Variants in RFC1 observed in about 807,000 individuals in gnomAD.
The protein encoded by RFC1 is A1 140 kDa subunit.
In RFC1, 37 loss-of-function variants were observed where a neutral mutation model predicts 137.4. The ratio of observed to expected loss-of-function variants is 0.27; its 90% CI spans 0.21 to 0.35. The LOEUF is 0.35. RFC1 is among the 10% of genes least tolerant of loss of function. RFC1 has a pLI of 1.00. For synonymous variants in RFC1, 429 were observed against 455.7 expected (o/e 0.94, Z 0.75); for missense variants, 1,205 against 1,358.5 (o/e 0.89, Z 1.78).
At chr4:39,343,803 TTTTTA>T (rs541477839) in intron 3 of RFC1, among the ~76,000 whole-genome samples, 146 of 152,228 alleles carry the variant, frequency 9.6e-4, no homozygotes, top group African/African-American at 3.3e-3. Context: ...TTAGGCACAT[TTTTTA>T]TTTTAAGAAT....
intron 1 of RFC1, among the ~76,000 whole-genome samples, chr4:39,354,749 C>CAAAAAAAAAAAAAAAAAAA (rs34342477): frequency 2.0e-5 from 1 of 51,006 alleles, no homozygotes; most frequent in Non-Finnish European, 3.6e-5. Context: ...GAAACTATCT[C>CAAAAAAAAAAAAAAAAAAA]AAAAAAAAAA....
intron 6 of RFC1, among the ~76,000 whole-genome samples, chr4:39,324,483 C>T (rs1296329516): frequency 6.6e-6 from 1 of 152,200 alleles, no homozygotes; most frequent in Non-Finnish European, 1.5e-5. Context: ...ACCTAGGCTA[C>T]TTGTGCTACC....
At chr4:39,324,950 C>T (rs535518550) in intron 6 of RFC1, among the ~76,000 whole-genome samples, 1 of 152,260 alleles carries the variant, frequency 6.6e-6, no homozygotes, top group African/African-American at 2.4e-5. Flanking sequence ...GATGAGCGCT[C>T]CTCCCTGAAA....
intron 22 of RFC1, among the ~76,000 whole-genome samples, chr4:39,294,546 C>T (rs1451137371): frequency 1.3e-5 from 2 of 151,982 alleles, no homozygotes; most frequent in Non-Finnish European, 2.9e-5. Context: ...TGGCATGCAC[C>T]TTAGTCCCAA....
chr4:39,348,428 A>C lies in RFC1; in HGVS notation c.132+2920T>G, dbSNP rs570604038. On this transcript the variant is annotated intron_variant, in intron 2 of 24. Coordinates refer to ENST00000349703, the MANE Select transcript of RFC1 (RefSeq NM_002913.5). Reference sequence around the variant, plus strand: ...ACAGAGCAAGACTCTGTTTCAAAAAAGAAAAGAAAAGAAAAGAAAAGAAAA... The same window carrying C: ...ACAGAGCAAGACTCTGTTTCAAAAACGAAAAGAAAAGAAAAGAAAAGAAAA... 1.3e-4 allele frequency among the ~76,000 whole-genome samples: 5 copies of C among 38,038 alleles called. 1 individual carries two copies. Among genetic ancestry groups the C allele is most frequent in the Non-Finnish European group, 3.3e-4 (5 of 15,274 alleles). The allele number at this position is 38,038 out of a possible 152,430, so 25.0% of individuals were successfully genotyped here.
At chr4:39,305,477 G>A (rs1210064329) in intron 14 of RFC1, among the ~76,000 whole-genome samples, 6 of 152,168 alleles carry the variant, frequency 3.9e-5, no homozygotes, top group African/African-American at 1.2e-4. Context: ...GCGTGGTGGC[G>A]TGTTCCTGTA....
At position 39,320,547 on chromosome 4, in the gene RFC1, A is replaced by G; in HGVS notation, c.931T>C (p.Ser311Pro). 1 of 1,613,400 alleles carries G rather than the reference A, an allele frequency of 6.2e-7. No homozygotes were observed. Among genetic ancestry groups the G allele is most frequent in the Non-Finnish European group, 8.5e-7 (1 of 1,179,852 alleles). Residue 311 changes from serine to proline, a missense_variant, in exon 9 of 25, where the codon TCT becomes CCT. Around this residue, in one of 3 missense-constraint regions of RFC1, gnomAD observed 962 missense variants for 1,035.3 expected, o/e 0.93. Coordinates refer to ENST00000349703, the MANE Select transcript of RFC1 (RefSeq NM_002913.5). ...KSSADKIGEV[S>P]SPKASSKLAI... ...AGCTTAGAACTGGCCTTGGGAGAAG[A>G]GACTTCTCCTATTTTGTCAGCTGAT...
intron 4 of RFC1, 98 bp downstream of exon 4, chr4:39,342,247 G>A (rs1354043522): frequency 2.9e-6 from 4 of 1,361,198 alleles, no homozygotes; most frequent in Non-Finnish European, 4.0e-6. Context: ...AAAGGCAGTA[G>A]AAATTCCATT....
intron 4 of RFC1, among the ~76,000 whole-genome samples, chr4:39,333,960 G>A (rs1012082342): frequency 9.9e-5 from 15 of 151,980 alleles, no homozygotes; most frequent in African/African-American, 3.4e-4. Context: ...TGCAAATAAG[G>A]CTCCTTTTCT....
At position 39,308,739 on chromosome 4, in the gene RFC1, C is replaced by T. The variant is rs777917552; in HGVS notation, c.1782G>A (p.Ser594=). Residue 594 remains serine (S), a synonymous_variant, in exon 13 of 25, where the codon TCG becomes TCA. Transcript: ENST00000349703. ...CTTGCTGTCCAATTATGGTCTTGAG[C>T]GAGGTTGGCTTATATTTATCCACCC... ...LLWVDKYKPT[S]LKTIIGQQGD... is the part of the protein sequence containing the mutation. 42 of 1,614,018 alleles carry T rather than the reference C, an allele frequency of 2.6e-5. No individual in the cohort carries two copies. The highest frequency in any genetic ancestry group is 1.6e-4 in the Middle Eastern group (1 of 6,084).
rs138918161 is a variant in RFC1, at chr4:39,316,992, G to A, written c.1126C>T (p.Arg376Cys). ...CTTCGATAAGCTTGATAATTAGTGC[G>A]TTTCTTTTCAGAATCTTCAGGACTT... Reference protein sequence around the residue: ...SVSPEDSEKKRTNYQAYRSYL... With the variant: ...SVSPEDSEKKCTNYQAYRSYL... Residue 376 changes from arginine (R) to cysteine (C), a missense_variant, in exon 10 of 25, where the codon CGC becomes TGC. Around this residue, in one of 3 missense-constraint regions of RFC1, gnomAD observed 962 missense variants for 1,035.3 expected, o/e 0.93. Coordinates refer to ENST00000349703, the MANE Select transcript of RFC1 (RefSeq NM_002913.5). 40 of 1,613,648 alleles carry A rather than the reference G, an allele frequency of 2.5e-5. No individual in the cohort carries two copies. The African/African-American group carries it at 3.7e-4, about 15-fold the overall frequency.
At chr4:39,364,418 C>T (rs1741920285) in intron 1 of RFC1, among the ~76,000 whole-genome samples, 2 of 152,142 alleles carry the variant, frequency 1.3e-5, no homozygotes, top group South Asian at 4.1e-4. Context: ...TTCTTATCTA[C>T]CTCATAGGAT....
rs749727872 is a variant in RFC1, at chr4:39,320,686, G to T, written c.809-17C>A. On this transcript the variant is annotated splice_polypyrimidine_tract_variant and intron_variant, in intron 8 of 24. Coordinates refer to ENST00000349703, the MANE Select transcript of RFC1 (RefSeq NM_002913.5). Reference sequence around the variant, plus strand: ...CTGTTTTTACTAGGAAGAAAGAAAAGATTATGGTTGTTGTTTTTGGAAAAT... The same window carrying T: ...CTGTTTTTACTAGGAAGAAAGAAAATATTATGGTTGTTGTTTTTGGAAAAT... 1.3e-6 allele frequency: 2 copies of T among 1,549,244 alleles called. No homozygotes were observed. Among genetic ancestry groups the T allele is most frequent in the East Asian group, 4.6e-5 (2 of 43,540 alleles).
At position 39,321,257 on chromosome 4, in the gene RFC1, C is replaced by CT. The variant is rs778777848; in HGVS notation, c.808+29dup. On this transcript the variant is annotated intron_variant, in intron 8 of 24. Transcript: ENST00000349703. Reference sequence around the variant, plus strand: ...GAATTTACTTCCATGAAGACAAGTGCTCCATCTTACTTTTTTCTGCTAGTA... The same window carrying CT: ...GAATTTACTTCCATGAAGACAAGTGCTTCCATCTTACTTTTTTCTGCTAGTA... 4.0e-6 allele frequency: 6 copies of CT among 1,508,896 alleles called. No individual in the cohort carries two copies. In the South Asian group the frequency reaches 5.7e-5, roughly 14 times the overall value. The allele number at this position is 1,508,896 out of a possible 1,614,324, so 93.5% of individuals were successfully genotyped here. A position where few individuals can be genotyped will look rare whatever the true frequency, so the allele number is the denominator to read the frequency against.
chr4:39,323,719 T>A (rs1046528090), intron 6 of RFC1, among the ~76,000 whole-genome samples: 7 of 152,220 alleles, frequency 4.6e-5, no homozygotes, highest in Admixed American at 3.9e-4. Context: ...ATGGTTCTTA[T>A]GCAACACAGC....
chr4:39,313,944 G>A (rs1578128181), intron 10 of RFC1, among the ~76,000 whole-genome samples: 1 of 152,252 alleles, frequency 6.6e-6, no homozygotes, highest in African/African-American at 2.4e-5. Flanking sequence ...TTGGAACTAT[G>A]TTGAGTTATA....
intron 23 of RFC1, among the ~76,000 whole-genome samples, chr4:39,290,580 C>G (rs953239291): frequency 6.6e-6 from 1 of 151,968 alleles, no homozygotes; most frequent in African/African-American, 2.4e-5. Flanking sequence ...TTTGGGAGGC[C>G]AAAGCAGGCA....
At chr4:39,293,604 T>A (rs1407753080) in intron 22 of RFC1, among the ~76,000 whole-genome samples, 2 of 152,190 alleles carry the variant, frequency 1.3e-5, no homozygotes, top group African/African-American at 2.4e-5. Context: ...AAATTATGAA[T>A]TCACTATAAA....
In RFC1 at chr4:39,327,699, C is replaced by A. The variant is rs755963050; in HGVS notation, c.389G>T (p.Arg130Ile). Residue 130 changes from arginine (R) to isoleucine (I), a missense_variant, in exon 5 of 25, where the codon AGA becomes ATA. Arg to Ile is a moderately conservative substitution (Grantham distance 97). Coordinates refer to ENST00000349703, the MANE Select transcript of RFC1 (RefSeq NM_002913.5). ...KAASKSKENG[R>I]STNSHLGTSN... ...TGTTCCAAGATGACTATTTGTAGATCTTCCATTCTCTTTTGATTTAGAGGC... is the reference window on the plus strand; with the variant it reads ...TGTTCCAAGATGACTATTTGTAGATATTCCATTCTCTTTTGATTTAGAGGC... 1.2e-6 allele frequency: 2 copies of A among 1,612,842 alleles called. No individual in the cohort carries two copies. The highest frequency in any genetic ancestry group is 2.2e-5 in the South Asian group (2 of 90,878).
Sources: allele counts gnomAD v4.1 joint callset (sites outside exome capture counted in the v4.1 genomes callset), GRCh38; gene constraint gnomAD v4.1.1; regional missense constraint gnomAD v4.1.1; transcripts MANE v1.5; gene names NCBI Gene and HGNC (gene_info 2026-07-23, HGNC 2026-07-21).